The following SPAG16 variants were observed in gnomAD, a reference collection of about 807,000 sequenced individuals.
The protein encoded by SPAG16 is sperm-associated antigen 16 protein.
In SPAG16, 86 loss-of-function variants were observed where a neutral mutation model predicts 80.4. That is an observed-to-expected ratio of 1.07 (90% confidence interval 0.90 to 1.28). The LOEUF is 1.28. Among genes scored for constraint, SPAG16 ranks in the 50% most tolerant of loss-of-function variants. The pLI is 0.00. For synonymous variants in SPAG16, 294 were observed against 265.9 expected (o/e 1.11, Z -1.03); for missense variants, 870 against 765.3 (o/e 1.14, Z -1.61).
intron 10 of SPAG16, among the ~76,000 whole-genome samples, chr2:213,823,534 A>G (rs529805918): frequency 1.3e-5 from 2 of 151,894 alleles, no homozygotes; most frequent in African/African-American, 4.8e-5. Flanking sequence ...CTAATTTTGT[A>G]TTTTTAGTAG....
At chr2:214,003,795 T>C (rs1343796168) in intron 12 of SPAG16, among the ~76,000 whole-genome samples, 1 of 152,212 alleles carries the variant, frequency 6.6e-6, no homozygotes, top group Non-Finnish European at 1.5e-5. Flanking sequence ...ACAACAGCAC[T>C]ATCACTTGTG....
intron 10 of SPAG16, among the ~76,000 whole-genome samples, chr2:213,541,034 G>T (rs2076428427): frequency 6.6e-6 from 1 of 152,218 alleles, no homozygotes; most frequent in Non-Finnish European, 1.5e-5. Context: ...TCCTCTGCAT[G>T]GTTAATATTT....
intron 2 of SPAG16, among the ~76,000 whole-genome samples, chr2:213,296,439 T>G (rs2062499240): frequency 6.6e-6 from 1 of 152,202 alleles, no homozygotes; most frequent in African/African-American, 2.4e-5. Context: ...AGTCTGCTCT[T>G]GTCAAGGATT....
At chr2:214,072,820 C>T (rs887432951) in intron 13 of SPAG16, among the ~76,000 whole-genome samples, 3 of 152,026 alleles carry the variant, frequency 2.0e-5, no homozygotes, top group Non-Finnish European at 2.9e-5. Context: ...TGTATTTTAA[C>T]AATAGGACAG....
At chr2:214,370,977 C>T (rs1699777718) in intron 15 of SPAG16, among the ~76,000 whole-genome samples, 2 of 152,132 alleles carry the variant, frequency 1.3e-5, no homozygotes. Context: ...CTGAATGTTC[C>T]ACTTCCAGGC....
At chr2:214,200,616 T>A (rs1199287135) in intron 15 of SPAG16, among the ~76,000 whole-genome samples, 5 of 152,082 alleles carry the variant, frequency 3.3e-5, no homozygotes, top group Admixed American at 6.6e-5. Flanking sequence ...GAGGTTGCAG[T>A]GTGCTGAGAT....
chr2:213,410,502 GT>G (rs2068907175), intron 9 of SPAG16, among the ~76,000 whole-genome samples: 1 of 152,182 alleles, frequency 6.6e-6, no homozygotes, highest in Non-Finnish European at 1.5e-5. Flanking sequence ...TTATGCTGTA[GT>G]TGGTCCAACG....
intron 10 of SPAG16, among the ~76,000 whole-genome samples, chr2:213,860,169 C>T (rs2105939569): frequency 6.6e-6 from 1 of 152,034 alleles, no homozygotes; most frequent in South Asian, 2.1e-4. Context: ...ATCGCTATGT[C>T]CCAGTATTTG....
At chr2:214,068,034 A>G (rs1264280324) in intron 13 of SPAG16, among the ~76,000 whole-genome samples, 1 of 152,190 alleles carries the variant, frequency 6.6e-6, no homozygotes, top group Non-Finnish European at 1.5e-5. Context: ...GAAGCCGTGC[A>G]GTATAACAGA....
intron 11 of SPAG16, among the ~76,000 whole-genome samples, chr2:213,892,179 G>T (rs1575473939): frequency 6.6e-6 from 1 of 152,120 alleles, no homozygotes; most frequent in African/African-American, 2.4e-5. Context: ...CTTCCTCCCT[G>T]CCAGGACATC....
chr2:214,157,796 AG>A (rs752376800), intron 15 of SPAG16, among the ~76,000 whole-genome samples: 7 of 152,154 alleles, frequency 4.6e-5, no homozygotes, highest in Non-Finnish European at 1.0e-4. Context: ...CAGGAAACGA[AG>A]TCTTGTTCCT....
chr2:213,859,169 A>C (rs2075305623), intron 10 of SPAG16, among the ~76,000 whole-genome samples: 1 of 119,404 alleles, frequency 8.4e-6, no homozygotes, highest in Admixed American at 1.0e-4. Flanking sequence ...ACAGAGCGAC[A>C]CTCCGTCTCA....
At chr2:213,484,375 A>G (rs544356284) in intron 9 of SPAG16, among the ~76,000 whole-genome samples, 195 of 152,318 alleles carry the variant, frequency 1.3e-3, no homozygotes, top group South Asian at 4.8e-3. Context: ...ACCCATTCGT[A>G]TTTTCATACT....
chr2:214,299,010 A>T (rs531878461), intron 15 of SPAG16, among the ~76,000 whole-genome samples: 1 of 152,176 alleles, frequency 6.6e-6, no homozygotes, highest in Non-Finnish European at 1.5e-5. Flanking sequence ...GAGGTAAATT[A>T]TAAGCCCTAT....
intron 10 of SPAG16, among the ~76,000 whole-genome samples, chr2:213,718,297 C>T (rs1186814542): frequency 6.6e-6 from 1 of 151,978 alleles, no homozygotes; most frequent in East Asian, 1.9e-4. Context: ...ACCAAAACCA[C>T]AATGAGATAC....
At chr2:213,531,484 C>T (rs915662358) in intron 10 of SPAG16, among the ~76,000 whole-genome samples, 1 of 151,664 alleles carries the variant, frequency 6.6e-6, no homozygotes, top group Non-Finnish European at 1.5e-5. Context: ...TGAAGAGGCA[C>T]GTGGGGAGTA....
At chr2:214,096,557 G>A (rs3213781) in intron 13 of SPAG16, among the ~76,000 whole-genome samples, 13,294 of 151,850 alleles carry the variant, frequency 0.088, 751 homozygotes, top group East Asian at 0.29. Flanking sequence ...TACTGGGAGC[G>A]TTTTTTTAAA....
chr2:213,771,446 CT>C (rs201385641), intron 10 of SPAG16, among the ~76,000 whole-genome samples: 1 of 151,706 alleles, frequency 6.6e-6, no homozygotes, highest in African/African-American at 2.4e-5. Flanking sequence ...TGCAGAAACT[CT>C]TTTTTTTAAT....
chr2:213,915,920 T>A (rs756432542), intron 11 of SPAG16, among the ~76,000 whole-genome samples: 7 of 152,236 alleles, frequency 4.6e-5, no homozygotes, highest in Non-Finnish European at 1.0e-4. Flanking sequence ...ATATCTTCTT[T>A]TGAGAAATGT....
Sources: allele counts gnomAD v4.1 joint callset (sites outside exome capture counted in the v4.1 genomes callset), GRCh38; gene constraint gnomAD v4.1.1; transcripts MANE v1.5; gene names NCBI Gene and HGNC (gene_info 2026-07-23, HGNC 2026-07-21).